SYNPR: variants seen among roughly 807,000 people sequenced by gnomAD.
The protein encoded by SYNPR is synaptoporin.
Under a neutral mutation model 32.9 loss-of-function variants are expected in SYNPR, and 23 were observed. The ratio of observed to expected loss-of-function variants is 0.70; its 90% CI spans 0.50 to 0.99. SYNPR has a LOEUF of 0.99. Ranked by LOEUF, SYNPR falls within the 50% of genes least tolerant of loss-of-function variation. The pLI is 0.00. For missense variants in SYNPR, 318 were observed against 349.3 expected, an observed-to-expected ratio of 0.91 and a Z score of 0.71; for synonymous variants, 146 against 135.9, an observed-to-expected ratio of 1.07 and a Z score of -0.52.
At chr3:63,436,098 G>A (rs1024114258) in intron 2 of SYNPR, among the ~76,000 whole-genome samples, 1 of 152,008 alleles carries the variant, frequency 6.6e-6, no homozygotes, top group African/African-American at 2.4e-5. Flanking sequence ...TGAATGAATG[G>A]TTGCCCTTTT....
intron 2 of SYNPR, among the ~76,000 whole-genome samples, chr3:63,312,665 C>T (rs564677516): frequency 6.6e-6 from 1 of 151,982 alleles, no homozygotes; most frequent in Admixed American, 6.6e-5. Context: ...GAATAAGCTC[C>T]TTATCCTGCT....
At chr3:63,387,717 G>A (rs896664412) in intron 2 of SYNPR, among the ~76,000 whole-genome samples, 3 of 152,156 alleles carry the variant, frequency 2.0e-5, no homozygotes, top group African/African-American at 7.2e-5. Flanking sequence ...AAGAATAAGT[G>A]AGGGAAATAG....
intron 2 of SYNPR, among the ~76,000 whole-genome samples, chr3:63,471,693 C>T (rs1700802275): frequency 6.6e-6 from 1 of 152,074 alleles, no homozygotes; most frequent in East Asian, 1.9e-4. Context: ...TTTTTTATGG[C>T]TACTATTGAG....
intron 1 of SYNPR, chr3:63,252,439 A>G (rs1480198773): frequency 6.6e-6 from 1 of 152,156 alleles, no homozygotes; most frequent in Non-Finnish European, 1.5e-5. Flanking sequence ...TGTGTCTTAA[A>G]TATTTTTTGG....
intron 2 of SYNPR, among the ~76,000 whole-genome samples, chr3:63,418,725 C>T (rs1048475537): frequency 6.6e-6 from 1 of 152,152 alleles, no homozygotes; most frequent in African/African-American, 2.4e-5. Flanking sequence ...CATTAGATCT[C>T]GTGAGACTTA....
chr3:63,446,564 G>A (rs1700281141), intron 2 of SYNPR, among the ~76,000 whole-genome samples: 1 of 152,092 alleles, frequency 6.6e-6, no homozygotes, highest in Non-Finnish European at 1.5e-5. Flanking sequence ...CAATAAGGTT[G>A]AAATTTCTCT....
chr3:63,609,115 G>C lies in SYNPR; in HGVS notation c.409-10G>C. ...CTTTTACCATTTTCTATTCTGATTT[G>C]TTTCTGTAGGACTTCATTGTCACTG... On this transcript the variant is annotated splice_polypyrimidine_tract_variant and intron_variant, in intron 4 of 5. Transcript: ENST00000478300. The C allele has an allele frequency of 6.3e-7, 1 of 1,589,334 alleles. No individual in the cohort carries two copies. Among genetic ancestry groups the C allele is most frequent in the Non-Finnish European group, 8.6e-7 (1 of 1,169,020 alleles).
At chr3:63,401,958 C>T (rs1037944725) in intron 2 of SYNPR, among the ~76,000 whole-genome samples, 1 of 152,114 alleles carries the variant, frequency 6.6e-6, no homozygotes, top group Non-Finnish European at 1.5e-5. Context: ...CAGAGAGACA[C>T]CTAGAGAACA....
At chr3:63,363,149 A>T (rs546604013) in intron 2 of SYNPR, among the ~76,000 whole-genome samples, 1 of 152,092 alleles carries the variant, frequency 6.6e-6, no homozygotes, top group Admixed American at 6.5e-5. Context: ...ATTACCACTT[A>T]CCTTATTGCT....
chr3:63,377,750 T>A (rs2087914069), intron 2 of SYNPR, among the ~76,000 whole-genome samples: 1 of 152,094 alleles, frequency 6.6e-6, no homozygotes, highest in Non-Finnish European at 1.5e-5. Flanking sequence ...TTATTCAGAA[T>A]GTTCTATGTT....
intron 2 of SYNPR, among the ~76,000 whole-genome samples, chr3:63,379,440 G>A (rs2087938395): frequency 6.6e-6 from 1 of 151,986 alleles, no homozygotes; most frequent in Non-Finnish European, 1.5e-5. Flanking sequence ...AACAATTGCG[G>A]ATTTGCCTTT....
chr3:63,558,398 G>A (rs934127396), intron 4 of SYNPR, among the ~76,000 whole-genome samples: 2 of 152,046 alleles, frequency 1.3e-5, no homozygotes, highest in African/African-American at 4.8e-5. Flanking sequence ...GGCATGCAGT[G>A]GCGTAATCAC....
rs932209990 is a variant in SYNPR at position 63,335,356 on chromosome 3, A to C, written c.84+56614A>C. Among the ~76,000 whole-genome samples the C allele has an allele frequency of 3.4e-4, 52 of 151,104 alleles. 1 individual carries two copies. The highest frequency in any genetic ancestry group is 1.2e-3 in the African/African-American group (49 of 41,284). ...CAACAGAGCGAGACTCCGTCTCAAA[A>C]AAAAAAAAAAAAAAAAAATGGCAAA... On this transcript the variant is annotated intron_variant, in intron 2 of 5. Coordinates refer to ENST00000478300, the MANE Select transcript of SYNPR (RefSeq NM_001130003.2).
At chr3:63,433,061 T>C (rs1432847811) in intron 2 of SYNPR, among the ~76,000 whole-genome samples, 1 of 152,218 alleles carries the variant, frequency 6.6e-6, no homozygotes, top group African/African-American at 2.4e-5. Flanking sequence ...CACATTGCTA[T>C]GTGGCTTTGT....
chr3:63,266,326 T>C (rs931324357), intron 2 of SYNPR, among the ~76,000 whole-genome samples: 8 of 152,166 alleles, frequency 5.3e-5, no homozygotes, highest in Non-Finnish European at 1.2e-4. Context: ...AACATTCAAA[T>C]GTTGAAAACT....
chr3:63,575,858 G>A (rs1431188231), intron 4 of SYNPR, among the ~76,000 whole-genome samples: 1 of 152,068 alleles, frequency 6.6e-6, no homozygotes, highest in African/African-American at 2.4e-5. Context: ...AAGATACTGA[G>A]GCTTCACATT....
intron 2 of SYNPR, among the ~76,000 whole-genome samples, chr3:63,280,427 G>C (rs1175882703): frequency 6.6e-6 from 1 of 151,474 alleles, no homozygotes; most frequent in Non-Finnish European, 1.5e-5. Context: ...AGCTATACCA[G>C]ATCCCTCCAA....
At chr3:63,358,447 C>A (rs943254376) in intron 2 of SYNPR, among the ~76,000 whole-genome samples, 4 of 152,166 alleles carry the variant, frequency 2.6e-5, no homozygotes, top group African/African-American at 9.7e-5. Flanking sequence ...CTAATAAGGA[C>A]AGGTGATAAC....
intron 2 of SYNPR, among the ~76,000 whole-genome samples, chr3:63,366,973 G>C (rs1279740371): frequency 6.6e-6 from 1 of 152,186 alleles, no homozygotes; most frequent in Admixed American, 6.5e-5. Context: ...AATAGTGTGT[G>C]CCAGTATCCT....
Sources: allele counts gnomAD v4.1 joint callset (sites outside exome capture counted in the v4.1 genomes callset), GRCh38; gene constraint gnomAD v4.1.1; transcripts MANE v1.5; gene names NCBI Gene and HGNC (gene_info 2026-07-23, HGNC 2026-07-21).